Variants in PCDHGA7 observed in about 807,000 individuals in gnomAD.
The protein encoded by PCDHGA7 is protocadherin gamma subfamily A, 7.
A neutral mutation model predicts 58.3 loss-of-function variants in PCDHGA7; 44 were observed. That is an observed-to-expected ratio of 0.75 (90% CI 0.59 to 0.97). The LOEUF (loss-of-function observed/expected upper bound fraction) is 0.97, where lower values mean the gene tolerates loss of function less well. PCDHGA7 is among the 50% of genes least tolerant of loss of function. The pLI is 0.00. For synonymous variants in PCDHGA7, 516 were observed against 504.2 expected (o/e 1.02, Z -0.31); for missense variants, 1,266 against 1,188.7 (o/e 1.06, Z -0.96).
Position 141,491,815 on chromosome 5 carries a change from C to T in PCDHGA7, c.2425-2992C>T. The T allele has an allele frequency of 6.7e-7, 1 of 1,485,264 alleles. No individual in the cohort carries two copies. Among genetic ancestry groups the T allele is most frequent in the African/African-American group, 1.4e-5 (1 of 70,622 alleles). The allele number at this position is 1,485,264 out of a possible 1,614,324, so 92.0% of individuals were successfully genotyped here. ...CCTCTCCGGCCGGCTTGGTCGCTGGCTGCGCTCCACCCGATTCTCGGGATC... is the reference window on the plus strand; with the variant it reads ...CCTCTCCGGCCGGCTTGGTCGCTGGTTGCGCTCCACCCGATTCTCGGGATC... On this transcript the variant is annotated intron_variant, in intron 1 of 3. Coordinates refer to ENST00000518325, the MANE Select transcript of PCDHGA7 (RefSeq NM_018920.4). This position sits in a 1 kb window ranked among gnomAD's most constrained non-coding sequence, Gnocchi z 6.9.
chr5:141,427,768 A>C (rs1003238906), intron 1 of PCDHGA7: 4 of 1,393,994 alleles, frequency 2.9e-6, no homozygotes, highest in Non-Finnish European at 4.0e-6. Context: ...ACTGACTTGG[A>C]GCTGCGGGCA....
intron 1 of PCDHGA7, chr5:141,475,934 G>C (rs754356530): frequency 3.0e-6 from 2 of 665,118 alleles, no homozygotes; most frequent in Non-Finnish European, 5.0e-6. Context: ...TCGGGCCCCT[G>C]CCCGTCCCCT....
chr5:141,399,506 A>G, intron 1 of PCDHGA7: 1 of 1,613,982 alleles, frequency 6.2e-7, no homozygotes, highest in Non-Finnish European at 8.5e-7. Flanking sequence ...GTACCCGAAA[A>G]CAACCCTCCT....
intron 1 of PCDHGA7, chr5:141,389,501 G>A (rs752472089): frequency 3.7e-6 from 6 of 1,613,066 alleles, no homozygotes; most frequent in Non-Finnish European, 5.1e-6. Context: ...GCTCGCCAGC[G>A]CTCAGCGCGA....
chr5:141,416,817 C>T (rs1197915095), intron 1 of PCDHGA7: 1 of 151,958 alleles, frequency 6.6e-6, no homozygotes, highest in Non-Finnish European at 1.5e-5. Flanking sequence ...AAAAAGCATT[C>T]CGAAGTTTCT....
chr5:141,472,779 A>C (rs908169292), intron 1 of PCDHGA7, among the ~76,000 whole-genome samples: 5 of 152,012 alleles, frequency 3.3e-5, no homozygotes, highest in Non-Finnish European at 7.4e-5. Context: ...TGAGGTTGGG[A>C]GTTCAAGATC....
intron 1 of PCDHGA7, chr5:141,415,749 T>C: frequency 8.2e-7 from 1 of 1,214,000 alleles, no homozygotes; most frequent in Non-Finnish European, 1.1e-6. Flanking sequence ...GGTTTTTTTT[T>C]TTTTTTTTTT....
chr5:141,390,124 C>T (rs369369148), intron 1 of PCDHGA7: 24 of 1,613,924 alleles, frequency 1.5e-5, no homozygotes, highest in Non-Finnish European at 1.9e-5. Context: ...GGGACTTTGC[C>T]TTATTCCTAC....
chr5:141,415,755 T>C (rs753465209), intron 1 of PCDHGA7: 19 of 1,387,632 alleles, frequency 1.4e-5, no homozygotes, highest in Middle Eastern at 2.6e-4. Flanking sequence ...TTTTTTTTTT[T>C]TTTTTTTTTT....
intron 1 of PCDHGA7, chr5:141,398,797 G>C (rs1338071296): frequency 1.2e-6 from 2 of 1,613,898 alleles, no homozygotes; most frequent in Non-Finnish European, 1.7e-6. Flanking sequence ...ACCCCTAAGC[G>C]GCACCACTGA....
intron 1 of PCDHGA7, chr5:141,389,392 T>C (rs1258153986): frequency 1.9e-6 from 3 of 1,613,686 alleles, no homozygotes; most frequent in Non-Finnish European, 2.5e-6. Flanking sequence ...TCATCCTACG[T>C]GTCCATAAGC....
In PCDHGA7 at chr5:141,476,622, T is replaced by C. The variant is rs1480639256; in HGVS notation, c.2425-18185T>C. The C allele has an allele frequency of 6.2e-7, 1 of 1,614,238 alleles. No individual in the cohort carries two copies. The highest frequency in any genetic ancestry group is 2.2e-5 in the East Asian group (1 of 44,878). On this transcript the variant is annotated intron_variant, in intron 1 of 3. Transcript: ENST00000518325. This position sits in a 1 kb window ranked among gnomAD's most constrained non-coding sequence, Gnocchi z 7.6. ...GATCCCGATGTGGGAAGCAACTCTT[T>C]ACAAACCTATGAGCTGAGCCGAAAT...
chr5:141,418,945 A>G, intron 1 of PCDHGA7: 3 of 1,614,062 alleles, frequency 1.9e-6, no homozygotes, highest in Non-Finnish European at 2.5e-6. Flanking sequence ...ATTCCCCTCC[A>G]GGAGTGGTTG....
At chr5:141,450,729 C>T (rs370122389) in intron 1 of PCDHGA7, among the ~76,000 whole-genome samples, 3 of 152,048 alleles carry the variant, frequency 2.0e-5, no homozygotes, top group Non-Finnish European at 2.9e-5. Context: ...TCAGGTGATC[C>T]GCCCGCCTTG....
chr5:141,400,221 C>G (rs377228541), intron 1 of PCDHGA7: 1 of 1,614,060 alleles, frequency 6.2e-7, no homozygotes, highest in Non-Finnish European at 8.5e-7. Flanking sequence ...TCTCAGTGCT[C>G]TTCCTCCTGG....
At chr5:141,419,273 G>A (rs751868316) in intron 1 of PCDHGA7, 2 of 1,614,034 alleles carry the variant, frequency 1.2e-6, no homozygotes, top group South Asian at 1.1e-5. Flanking sequence ...TGCCTCCATA[G>A]CGCAAGTCAG....
intron 3 of PCDHGA7, among the ~76,000 whole-genome samples, chr5:141,506,925 A>G (rs1287267937): frequency 1.3e-5 from 2 of 152,152 alleles, no homozygotes; most frequent in African/African-American, 4.8e-5. Context: ...ATACTAAACA[A>G]ACTTTAGGGG....
intron 1 of PCDHGA7, chr5:141,388,337 A>G (rs1256150334): frequency 6.2e-7 from 1 of 1,613,990 alleles, no homozygotes; most frequent in Non-Finnish European, 8.5e-7. Context: ...CTGGCACACG[A>G]TTTATATTAG....
At chr5:141,480,828 TAAGATC>T (rs1054950452) in intron 1 of PCDHGA7, among the ~76,000 whole-genome samples, 22 of 152,260 alleles carry the variant, frequency 1.4e-4, no homozygotes, top group African/African-American at 5.1e-4. Context: ...GGGTGGATCA[TAAGATC>T]AGGAGTTTGA....
Sources: gnomAD v4.1 joint callset for allele counts (sites outside exome capture counted in the v4.1 genomes callset) on GRCh38, gnomAD v4.1.1 for gene constraint, Gnocchi (gnomAD v3.1) non-coding constraint, MANE v1.5 for transcripts, NCBI Gene and HGNC (gene_info 2026-07-23, HGNC 2026-07-21) for gene names.